IL5: variants seen among roughly 807,000 people sequenced by gnomAD.
The protein encoded by IL5 is interleukin-5.
A neutral mutation model predicts 16.3 loss-of-function variants in IL5; 12 were observed. That is an observed-to-expected ratio of 0.74 (90% CI 0.47 to 1.20). The LOEUF (loss-of-function observed/expected upper bound fraction) is 1.20, where lower values mean the gene tolerates loss of function less well. IL5 is among the 50% of genes most tolerant of loss of function. IL5 has a pLI of 0.00. For missense variants in IL5, 159 were observed against 153.9 expected (o/e 1.03, Z -0.17); for synonymous variants, 54 against 56.6 (o/e 0.95, Z 0.21).
At chr5:132,544,634 G>T (rs1353462057), upstream of IL5, among the ~76,000 whole-genome samples, 1 of 152,108 alleles carries the variant, frequency 6.6e-6, no homozygotes, top group African/African-American at 2.4e-5. Flanking sequence ...TACAAATGAG[G>T]CCCCCTCCTA....
intron 1 of IL5, chr5:132,556,590 T>C: frequency 1.1e-6 from 1 of 874,536 alleles, no homozygotes; most frequent in Non-Finnish European, 1.5e-6. Flanking sequence ...CGTCATCACA[T>C]GTTATGTGAT....
At chr5:132,548,414 C>T (rs969567049), upstream of IL5, among the ~76,000 whole-genome samples, 1 of 152,156 alleles carries the variant, frequency 6.6e-6, no homozygotes, top group African/African-American at 2.4e-5. Context: ...ACTGAATGAA[C>T]AAGCAGGCAC....
Position 132,541,849 on chromosome 5 carries a change from G to C in IL5, c.367C>G (p.Leu123Val). ...ATCCACTCGGTGTTCATTACACCAA[G>C]AAACTCTTGCAGGTAGTCTAGGAAT... The part of the protein sequence containing the change: ...NQFLDYLQEF[L>V]GVMNTEWIIE... The change falls in exon 4 of 4, where the codon CTT becomes GTT. Residue 123 changes from leucine to valine, a missense_variant. Transcript: ENST00000231454. 2 of 1,613,726 alleles carry C rather than the reference G, an allele frequency of 1.2e-6. No homozygotes were observed. The highest frequency in any genetic ancestry group is 2.2e-5 in the South Asian group (2 of 91,048).
chr5:132,551,726 T>C (rs2149826774), intron 1 of IL5, among the ~76,000 whole-genome samples: 2 of 152,368 alleles, frequency 1.3e-5, no homozygotes, highest in Middle Eastern at 3.4e-3. Flanking sequence ...ATGTATCTAT[T>C]GCTCACATTT....
At chr5:132,543,625 C>G (rs556402415), upstream of IL5, 2 of 647,928 alleles carry the variant, frequency 3.1e-6, no homozygotes, top group Non-Finnish European at 4.8e-6. Flanking sequence ...TATCGTGAAA[C>G]TAAATGTTTC....
upstream of IL5, among the ~76,000 whole-genome samples, chr5:132,547,627 A>G (rs944727511): frequency 6.6e-6 from 1 of 152,214 alleles, no homozygotes; most frequent in Non-Finnish European, 1.5e-5. Context: ...GAGTTTAGTA[A>G]TGTACCAATA....
At chr5:132,553,513 TC>T (rs2149827488) in intron 1 of IL5, among the ~76,000 whole-genome samples, 1 of 152,378 alleles carries the variant, frequency 6.6e-6, no homozygotes, top group African/African-American at 2.4e-5. Flanking sequence ...TCTTGCTTCT[TC>T]TTTTATTGCT....
chr5:132,547,686 AAACTGGGTGCAGGGCACACTGG>A (rs1260100293), upstream of IL5, among the ~76,000 whole-genome samples: 1 of 152,226 alleles, frequency 6.6e-6, no homozygotes, highest in Non-Finnish European at 1.5e-5. Flanking sequence ...TAACAATGGG[AAACTGGGTGCAGGGCACACTGG>A]AATGCTCTCT....
chr5:132,553,258 TC>T (rs1294253596), intron 1 of IL5, among the ~76,000 whole-genome samples: 1 of 152,234 alleles, frequency 6.6e-6, no homozygotes, highest in East Asian at 1.9e-4. Context: ...ATTTGCCTTT[TC>T]CAACCCTGTG....
chr5:132,556,617 A>C, intron 1 of IL5: 1 of 1,094,194 alleles, frequency 9.1e-7, no homozygotes, highest in Non-Finnish European at 1.2e-6. Context: ...AAATTACTAC[A>C]CGAACGTTAG....
chr5:132,545,065 T>C (rs958913101), upstream of IL5, among the ~76,000 whole-genome samples: 8 of 152,202 alleles, frequency 5.3e-5, no homozygotes, highest in African/African-American at 1.9e-4. Context: ...AAATGTTTCC[T>C]TGAGACTGCA....
At chr5:132,556,010 G>T (rs970812478) in intron 1 of IL5, 1 of 151,986 alleles carries the variant, frequency 6.6e-6, no homozygotes, top group Non-Finnish European at 1.5e-5. Context: ...TACAGCAAGA[G>T]ACTATTTCTC....
intron 1 of IL5, among the ~76,000 whole-genome samples, chr5:132,554,486 C>T (rs1749939914): frequency 6.6e-6 from 1 of 150,754 alleles, no homozygotes; most frequent in African/African-American, 2.4e-5. Flanking sequence ...ATCAAAATTA[C>T]AATGAGGTAT....
At chr5:132,552,008 A>G (rs1029717307) in intron 1 of IL5, among the ~76,000 whole-genome samples, 3 of 152,192 alleles carry the variant, frequency 2.0e-5, no homozygotes, top group Non-Finnish European at 2.9e-5. Context: ...GGCTGGGCGC[A>G]GCGGCTCAAG....
chr5:132,551,613 C>G (rs1245842374), intron 1 of IL5, among the ~76,000 whole-genome samples: 1 of 152,074 alleles, frequency 6.6e-6, no homozygotes, highest in Non-Finnish European at 1.5e-5. Context: ...TTGGTGCCCA[C>G]CTCGCACCCT....
rs145618087 is a variant in IL5, at chr5:132,551,371, T to C, written c.42+5303A>G. ...TACATAGCAGGTCCTAGAATAACTTTGTTATAACATTCACGAGAAAACAAT... is the reference window on the plus strand; with the variant it reads ...TACATAGCAGGTCCTAGAATAACTTCGTTATAACATTCACGAGAAAACAAT... On this transcript the variant is annotated intron_variant, in intron 1 of 2. Coordinates refer to the IL5 transcript ENST00000450655. Among the ~76,000 whole-genome samples the C allele has an allele frequency of 1.9e-3, 282 of 152,358 alleles. 3 individuals are homozygous for C. Among genetic ancestry groups the C allele is most frequent in the African/African-American group, 6.7e-3 (277 of 41,584 alleles).
upstream of IL5, among the ~76,000 whole-genome samples, chr5:132,547,636 T>C (rs1340204891): frequency 6.6e-6 from 1 of 152,192 alleles, no homozygotes; most frequent in African/African-American, 2.4e-5. Flanking sequence ...AATGTACCAA[T>C]ATTAGTTCCT....
chr5:132,544,329 C>T (rs1193695551), upstream of IL5, among the ~76,000 whole-genome samples: 1 of 152,218 alleles, frequency 6.6e-6, no homozygotes, highest in Non-Finnish European at 1.5e-5. Context: ...GTCACATGTT[C>T]ATCCTTGAAC....
chr5:132,544,895 T>C (rs1749759525), upstream of IL5, among the ~76,000 whole-genome samples: 1 of 152,184 alleles, frequency 6.6e-6, no homozygotes, highest in Non-Finnish European at 1.5e-5. Context: ...AGACACACCT[T>C]TCATACATAC....
Sources: allele counts gnomAD v4.1 joint callset (sites outside exome capture counted in the v4.1 genomes callset), GRCh38; gene constraint gnomAD v4.1.1; transcripts MANE v1.5; gene names NCBI Gene and HGNC (gene_info 2026-07-23, HGNC 2026-07-21).